Variants in PZP observed in about 807,000 individuals in gnomAD.
The protein encoded by PZP is pregnancy zone protein.
PZP carries 150 observed loss-of-function variants against 179.8 expected under a neutral mutation model. That is an observed-to-expected ratio of 0.83 (90% CI 0.73 to 0.96). The LOEUF (loss-of-function observed/expected upper bound fraction) is 0.96, where lower values mean the gene tolerates loss of function less well. Ranked by LOEUF, PZP falls within the 40% of genes least tolerant of loss-of-function variation. The pLI is 0.00. For missense variants in PZP, 1,689 were observed against 1,764.0 expected, an observed-to-expected ratio of 0.96 and a Z score of 0.76; for synonymous variants, 624 against 652.3, an observed-to-expected ratio of 0.96 and a Z score of 0.66.
At chr12:9,185,957 A>G (rs1222237654) in intron 13 of PZP, among the ~76,000 whole-genome samples, 2 of 151,540 alleles carry the variant, frequency 1.3e-5, no homozygotes, top group Non-Finnish European at 2.9e-5. Context: ...ACAGGCGTGC[A>G]CCATCACACC....
At chr12:9,152,100 G>T in intron 32 of PZP, 120 bp downstream of exon 32, 1 of 794,644 alleles carries the variant, frequency 1.3e-6, no homozygotes, top group Non-Finnish European at 2.1e-6. Context: ...TCCTGGGTTT[G>T]GGAAAAATAT....
intron 32 of PZP, 110 bp downstream of exon 32, chr12:9,152,109 AT>A (rs914772048): frequency 8.1e-6 from 7 of 860,392 alleles, no homozygotes; most frequent in Non-Finnish European, 1.3e-5. Context: ...TGGGAAAAAT[AT>A]TTTTTTGAGG....
chr12:9,174,606 A>G (rs1162687246), intron 15 of PZP, among the ~76,000 whole-genome samples: 1 of 152,250 alleles, frequency 6.6e-6, no homozygotes, highest in Admixed American at 6.5e-5. Flanking sequence ...AAGCAACTTC[A>G]GCAAAATCTC....
chr12:9,198,007 G>C (rs1416934735), intron 7 of PZP, among the ~76,000 whole-genome samples: 1 of 132,774 alleles, frequency 7.5e-6, no homozygotes, highest in East Asian at 2.0e-4. Context: ...ATCCCAAAGA[G>C]AATGTGGTGG....
Position 9,160,510 on chromosome 12 carries a change from A to G in PZP, c.2873-20T>C. ...TGTCACCTGGGGAATGTGAAAGATTAGATGTCAGAATAATTTCAGTTCATA... is the reference window on the plus strand; with the variant it reads ...TGTCACCTGGGGAATGTGAAAGATTGGATGTCAGAATAATTTCAGTTCATA... On this transcript the variant is annotated intron_variant, in intron 23 of 35. Transcript: ENST00000261336. 9 of 1,602,462 alleles carry G rather than the reference A, an allele frequency of 5.6e-6. No homozygotes were observed. Among genetic ancestry groups the G allele is most frequent in the Non-Finnish European group, 6.8e-6 (8 of 1,173,872 alleles).
Position 9,192,198 on chromosome 12 carries a change from C to T in PZP, c.1541G>A (p.Gly514Glu). The change falls in exon 13 of 36, where the codon GGA (glycine) becomes GAA (glutamate). Residue 514 changes from glycine to glutamate, a missense_variant. Physicochemically the swap from Gly to Glu is moderately conservative, Grantham distance 98 (BLOSUM62 -2). Coordinates refer to ENST00000261336, the MANE Select transcript of PZP (RefSeq NM_002864.3). The stretch of plus-strand genomic sequence containing the variant: ...ATGAATCTGAGGATACTCACTGTCT[C>T]CTGACTCCACAGGCAGAGTGTGGGT... ...SGTHTLPVES[G>E]DMKGSFALSF... The T allele has an allele frequency of 6.2e-7, 1 of 1,613,502 alleles. No homozygotes were observed. The highest frequency in any genetic ancestry group is 2.2e-5 in the East Asian group (1 of 44,876).
Position 9,158,552 on chromosome 12 carries a change from AG to A in PZP, c.3161del (p.Thr1054IlefsTer44). 9 of 1,614,136 alleles carry A rather than the reference AG, an allele frequency of 5.6e-6. No individual in the cohort carries two copies. Among genetic ancestry groups the A allele is most frequent in the Non-Finnish European group, 7.6e-6 (9 of 1,180,018 alleles). On this transcript the variant is annotated frameshift_variant, in exon 26 of 36. Transcript: ENST00000261336. LOFTEE classifies it high-confidence loss of function. Reference protein sequence around the residue: ...NTWLTAFVLKTFAQARSYIFI... With the variant: ...NTWLTAFVLKXFAQARSYIFI... Reference sequence around the variant, plus strand: ...AGATGTAGGATCGAGCCTGGGCGAAAGTCTTCAGTACAAAAGCTGTGAGCCT... The same window carrying A: ...AGATGTAGGATCGAGCCTGGGCGAAATCTTCAGTACAAAAGCTGTGAGCCT...
chr12:9,206,185 T>C (rs149632973), intron 1 of PZP, among the ~76,000 whole-genome samples: 1,566 of 152,142 alleles, frequency 0.01, 25 homozygotes, highest in African/African-American at 0.035. Context: ...AATAAAAATG[T>C]ATCATTTTTT....
At chr12:9,160,680 C>T (rs917078510) in intron 23 of PZP, among the ~76,000 whole-genome samples, 190 bp from the exon 24 acceptor site, 2 of 151,962 alleles carry the variant, frequency 1.3e-5, no homozygotes, top group Non-Finnish European at 2.9e-5. Flanking sequence ...TTTGGGAGGC[C>T]GAGGCGGGCG....
intron 4 of PZP, among the ~76,000 whole-genome samples, chr12:9,201,882 A>G (rs1023729708): frequency 6.6e-6 from 1 of 152,196 alleles, no homozygotes; most frequent in East Asian, 1.9e-4. Context: ...TTAGCATAAA[A>G]AAGTCTTTGT....
At chr12:9,147,639 G>C (rs1940079421), downstream of PZP, among the ~76,000 whole-genome samples, 1 of 152,102 alleles carries the variant, frequency 6.6e-6, no homozygotes, top group African/African-American at 2.4e-5. Flanking sequence ...CCTGGGGGAA[G>C]ACCAGGGTTT....
At chr12:9,178,578 A>C (rs768354025) in intron 15 of PZP, among the ~76,000 whole-genome samples, 6 of 152,244 alleles carry the variant, frequency 3.9e-5, no homozygotes, top group Non-Finnish European at 8.8e-5. Context: ...GTAAGAACGA[A>C]TCTTCTATCT....
At chr12:9,174,357 C>G (rs747253355) in intron 15 of PZP, among the ~76,000 whole-genome samples, 1 of 152,174 alleles carries the variant, frequency 6.6e-6, no homozygotes, top group South Asian at 2.1e-4. Flanking sequence ...AAACACACAG[C>G]CAATATCATA....
chr12:9,190,755 C>T (rs1435049993), intron 13 of PZP, among the ~76,000 whole-genome samples: 1 of 151,992 alleles, frequency 6.6e-6, no homozygotes, highest in Non-Finnish European at 1.5e-5. Context: ...TATTTAAAAT[C>T]TCAATTCTGA....
chr12:9,154,941 A>G (rs1565624118), intron 28 of PZP, 102 bp from the exon 29 acceptor site: 4 of 1,186,000 alleles, frequency 3.4e-6, no homozygotes, highest in Admixed American at 4.7e-5. Context: ...TGAAAATAAT[A>G]CAGGAGAAGC....
chr12:9,168,303 G>A (rs10743614), intron 17 of PZP, among the ~76,000 whole-genome samples: 96,155 of 152,006 alleles, frequency 0.63, 30,812 homozygotes, highest in East Asian at 0.83. Context: ...GGATGTCAGG[G>A]ATATTTTGGA....
chr12:9,144,573 C>T (rs1490027328), downstream of PZP, among the ~76,000 whole-genome samples: 1 of 152,034 alleles, frequency 6.6e-6, no homozygotes, highest in African/African-American at 2.4e-5. Context: ...CAGTCAAAGA[C>T]AGGTTTATTT....
chr12:9,198,764 T>C (rs1943985750), intron 7 of PZP, among the ~76,000 whole-genome samples: 1 of 152,206 alleles, frequency 6.6e-6, no homozygotes, highest in African/African-American at 2.4e-5. Context: ...AATAAAAAGA[T>C]AGAATCAAAG....
At chr12:9,207,606 A>G (rs550007519) in intron 1 of PZP, among the ~76,000 whole-genome samples, 6 of 152,352 alleles carry the variant, frequency 3.9e-5, no homozygotes, top group Middle Eastern at 3.4e-3. Context: ...TCAACAGTGC[A>G]TGCCAGCAAG....
Sources: gnomAD v4.1 joint callset for allele counts (sites outside exome capture counted in the v4.1 genomes callset) on GRCh38, gnomAD v4.1.1 for gene constraint, MANE v1.5 for transcripts, NCBI Gene and HGNC (gene_info 2026-07-23, HGNC 2026-07-21) for gene names.